The following LUC7L2 variants were observed in gnomAD, a reference collection of about 807,000 sequenced individuals.
LUC7L2 encodes putative RNA-binding protein Luc7-like 2.
A neutral mutation model predicts 52.8 loss-of-function variants in LUC7L2; 25 were observed. The observed-to-expected ratio is 0.47, with a 90% CI of 0.34 to 0.66. The LOEUF (loss-of-function observed/expected upper bound fraction) is 0.66, where lower values mean the gene tolerates loss of function less well. Among genes scored for constraint, LUC7L2 ranks in the 30% least tolerant of loss-of-function variants. The probability of loss-of-function intolerance (pLI) is 0.01; values close to 1 mark genes in which losing one functional copy is unlikely to be tolerated. For missense variants in LUC7L2, 328 were observed against 497.8 expected (o/e 0.66, Z 3.25); for synonymous variants, 144 against 160.9 (o/e 0.89, Z 0.80).
intron 9 of LUC7L2, among the ~76,000 whole-genome samples, chr7:139,419,860 T>C (rs950447069): frequency 1.3e-5 from 2 of 152,228 alleles, no homozygotes; most frequent in African/African-American, 2.4e-5. Flanking sequence ...ATTCAAATTA[T>C]TCTCTTTTAA....
At chr7:139,373,841 G>A (rs748925707) in intron 1 of LUC7L2, among the ~76,000 whole-genome samples, 24 of 152,190 alleles carry the variant, frequency 1.6e-4, no homozygotes, top group Non-Finnish European at 2.9e-4. Context: ...AAATGATTCT[G>A]CTGTTGCCAT....
chr7:139,349,037 C>T (rs1799365181), intron 1 of LUC7L2, among the ~76,000 whole-genome samples: 1 of 148,422 alleles, frequency 6.7e-6, no homozygotes, highest in Non-Finnish European at 1.5e-5. Flanking sequence ...GCAAGTAATC[C>T]CAGCTACTTT....
In LUC7L2 at chr7:139,360,246, C is replaced by G; in HGVS notation, c.-16C>G. On this transcript the variant is annotated 5_prime_UTR_variant, in exon 1 of 10. Coordinates refer to ENST00000354926, the MANE Select transcript of LUC7L2 (RefSeq NM_016019.5). ...CTGCGCCCCACCCCCGCCCGTCCGC[C>G]CGCTACGCCGCCGCCATGTCGGCGC... is the stretch of plus-strand genomic sequence containing the variant. 6.5e-7 allele frequency: 1 copy of G among 1,548,996 alleles called. No homozygotes were observed. Among genetic ancestry groups the G allele is most frequent in the Non-Finnish European group, 8.7e-7 (1 of 1,147,582 alleles).
At position 139,402,178 on chromosome 7, in the gene LUC7L2, T is replaced by C. The variant is rs1337552688; in HGVS notation, c.297T>C (p.Arg99=). The C allele has an allele frequency of 5.6e-6, 9 of 1,609,692 alleles. No homozygotes were observed. In the African/African-American group the frequency reaches 9.4e-5, roughly 17 times the overall value. The change falls in exon 4 of 10, where the codon CGT becomes CGC. Residue 99 remains arginine (R), a synonymous_variant. Transcript: ENST00000354926. ...AGTCATTCATTGCAGATTGTGATCG[T>C]AGAACAGAAGTGGCCAAGAAAAGAT... The part of the protein sequence containing the change: ...HLQSFIADCD[R]RTEVAKKRLA...
intron 1 of LUC7L2, among the ~76,000 whole-genome samples, chr7:139,370,482 G>A (rs1273343438): frequency 6.6e-6 from 1 of 152,184 alleles, no homozygotes; most frequent in Non-Finnish European, 1.5e-5. Context: ...GTTTGAGACA[G>A]AGTCTTGCTC....
chr7:139,373,363 G>A (rs1800549325), intron 1 of LUC7L2, among the ~76,000 whole-genome samples: 1 of 152,114 alleles, frequency 6.6e-6, no homozygotes, highest in Non-Finnish European at 1.5e-5. Flanking sequence ...AGGTATTTCT[G>A]TATCTCAAAT....
chr7:139,401,593 C>G (rs999639279), intron 3 of LUC7L2, among the ~76,000 whole-genome samples: 13 of 152,006 alleles, frequency 8.6e-5, no homozygotes, highest in African/African-American at 2.9e-4. Flanking sequence ...GCTGGGATTA[C>G]AGGCGCGCAC....
At chr7:139,370,997 G>T (rs947934053) in intron 1 of LUC7L2, among the ~76,000 whole-genome samples, 1 of 152,160 alleles carries the variant, frequency 6.6e-6, no homozygotes, top group Non-Finnish European at 1.5e-5. Flanking sequence ...TTTCACTGAG[G>T]GGTTATGGAT....
At chr7:139,411,644 T>C (rs1795364377) in intron 7 of LUC7L2, among the ~76,000 whole-genome samples, 1 of 152,192 alleles carries the variant, frequency 6.6e-6, no homozygotes, top group African/African-American at 2.4e-5. Flanking sequence ...TAATAATCCC[T>C]GTGGTGTCCT....
At chr7:139,340,544 ACTTTTGTTCTC>A (rs1483179946) in intron 1 of LUC7L2, 2 of 398,364 alleles carry the variant, frequency 5.0e-6, no homozygotes, top group African/African-American at 4.1e-5. Context: ...GGTGATGTGG[ACTTTTGTTCTC>A]TAACTACAAC....
chr7:139,341,125 G>A lies in LUC7L2; in HGVS notation c.-26+608G>A, dbSNP rs1798930862. 5.1e-5 allele frequency: 21 copies of A among 412,418 alleles called. No individual in the cohort carries two copies. In the East Asian group the frequency reaches 9.1e-4, roughly 18 times the overall value. The allele number at this position is 412,418 out of a possible 1,614,324, so 25.5% of individuals were successfully genotyped here. A position where few individuals can be genotyped will look rare whatever the true frequency, so the allele number is the denominator to read the frequency against. The stretch of plus-strand genomic sequence containing the variant: ...AATGACGCAGTGAAGAAAAGCCCCT[G>A]TTTCCCCAAACCCTTGTTCTGGGTT... On this transcript the variant is annotated intron_variant, in intron 1 of 10. Coordinates refer to the LUC7L2 transcript ENST00000541170.
chr7:139,344,128 A>T (rs1799141509), intron 1 of LUC7L2, among the ~76,000 whole-genome samples: 1 of 152,140 alleles, frequency 6.6e-6, no homozygotes, highest in East Asian at 1.9e-4. Flanking sequence ...GTTAAGTATG[A>T]TGAAGAAAAA....
chr7:139,393,157 G>C (rs111461944), intron 2 of LUC7L2, among the ~76,000 whole-genome samples: 58,443 of 151,684 alleles, frequency 0.39, 15,742 homozygotes, highest in African/African-American at 0.77. Context: ...ATCCCAGCTA[G>C]TAGGGAGGCC....
At chr7:139,392,168 C>T (rs1794474678) in intron 2 of LUC7L2, among the ~76,000 whole-genome samples, 1 of 152,080 alleles carries the variant, frequency 6.6e-6, no homozygotes, top group East Asian at 1.9e-4. Flanking sequence ...TAAAAAACAA[C>T]ATTGTTAAAC....
intron 2 of LUC7L2, among the ~76,000 whole-genome samples, chr7:139,388,692 A>T (rs1370759153): frequency 6.6e-6 from 1 of 150,762 alleles, no homozygotes; most frequent in Non-Finnish European, 1.5e-5. Flanking sequence ...TTATTACATC[A>T]AAATCATCTT....
chr7:139,408,862 A>C (rs1329626130), intron 6 of LUC7L2, among the ~76,000 whole-genome samples: 1 of 141,770 alleles, frequency 7.1e-6, no homozygotes. Context: ...AAAAAAAGTC[A>C]TGGAGCTGGG....
At chr7:139,366,079 T>A (rs1361311805) in intron 1 of LUC7L2, among the ~76,000 whole-genome samples, 2 of 152,258 alleles carry the variant, frequency 1.3e-5, no homozygotes, top group East Asian at 1.9e-4. Flanking sequence ...CTTAGGACTT[T>A]GAGAAGTCAA....
chr7:139,382,529 C>T (rs922506702), intron 2 of LUC7L2, among the ~76,000 whole-genome samples: 7 of 152,014 alleles, frequency 4.6e-5, no homozygotes, highest in Non-Finnish European at 1.0e-4. Flanking sequence ...AACAGCCACG[C>T]GCAGCCACAG....
intron 1 of LUC7L2, chr7:139,374,721 A>G: frequency 7.7e-7 from 1 of 1,302,770 alleles, no homozygotes; most frequent in Non-Finnish European, 9.8e-7. Context: ...CCCTGGTTGC[A>G]AATTAGAATG....
Sources: allele counts gnomAD v4.1 joint callset (sites outside exome capture counted in the v4.1 genomes callset), GRCh38; gene constraint gnomAD v4.1.1; transcripts MANE v1.5; gene names NCBI Gene and HGNC (gene_info 2026-07-23, HGNC 2026-07-21).